Variants in SPTSSB observed in about 807,000 individuals in gnomAD.
SPTSSB encodes serine palmitoyltransferase small subunit B.
In SPTSSB, 6 loss-of-function variants were observed where a neutral mutation model predicts 7.7. The ratio of observed to expected loss-of-function variants is 0.78; its 90% CI spans 0.43 to 1.54. The LOEUF (loss-of-function observed/expected upper bound fraction) is 1.54. Among genes scored for constraint, SPTSSB ranks in the 40% most tolerant of loss-of-function variants. The probability of loss-of-function intolerance (pLI) is 0.01; values close to 1 mark genes in which losing one functional copy is unlikely to be tolerated. For missense variants in SPTSSB, 91 were observed against 93.0 expected (o/e 0.98, Z 0.09); for synonymous variants, 28 against 29.7 (o/e 0.94, Z 0.19).
chr3:161,371,411 G>T (rs948937051), intron 1 of SPTSSB, 24 bp downstream of exon 1: 1 of 985,090 alleles, frequency 1.0e-6, no homozygotes, highest in Non-Finnish European at 1.2e-6. Context: ...AACAGTTCAA[G>T]TAGGTATTTT....
Position 161,345,064 on chromosome 3 carries a change from T to A in SPTSSB, c.*1029A>T, listed in dbSNP as rs1714145942. On this transcript the variant is annotated 3_prime_UTR_variant, in exon 3 of 3. Coordinates refer to ENST00000620149, the MANE Select transcript of SPTSSB (RefSeq NM_001040100.2). ...AGGAAAGCAAAACTGCAAAACGTAG[T>A]CTTTGGCATTCACATTTGCTTCAGC... 1 of 152,604 alleles carries A rather than the reference T, an allele frequency of 6.6e-6. No homozygotes were observed. Among genetic ancestry groups the A allele is most frequent in the African/African-American group, 2.4e-5 (1 of 41,438 alleles). The allele number at this position is 152,604 out of a possible 1,614,324, so 9.5% of individuals were successfully genotyped here. A position where few individuals can be genotyped will look rare whatever the true frequency, so the allele number is the denominator to read the frequency against.
intron 2 of SPTSSB, among the ~76,000 whole-genome samples, chr3:161,355,291 G>A (rs1576897732): frequency 6.6e-6 from 1 of 152,052 alleles, no homozygotes; most frequent in Admixed American, 6.6e-5. Context: ...TGAATATATT[G>A]TTGCCAAGGG....
Position 161,359,113 on chromosome 3 carries a change from T to G in SPTSSB, c.-33+689A>C, listed in dbSNP as rs566645881. ...AGGCAGCTAGTAGTATCTAGGTGTTTTTTTTGTAATTCTATTTCCTTTTCT... is the reference window on the plus strand; with the variant it reads ...AGGCAGCTAGTAGTATCTAGGTGTTGTTTTTGTAATTCTATTTCCTTTTCT... On this transcript the variant is annotated intron_variant, in intron 2 of 2. Transcript: ENST00000620149. Among the ~76,000 whole-genome samples the G allele has an allele frequency of 1.1e-3, 168 of 152,304 alleles. 1 individual carries two copies. The highest frequency in any genetic ancestry group is 1.7e-3 in the Non-Finnish European group (118 of 68,024).
intron 1 of SPTSSB, among the ~76,000 whole-genome samples, chr3:161,366,460 G>A (rs1022364220): frequency 6.6e-6 from 1 of 152,116 alleles, no homozygotes; most frequent in African/African-American, 2.4e-5. Context: ...ATGGCAAGGG[G>A]AAACCAAAGC....
chr3:161,367,149 C>A (rs1715256627), intron 1 of SPTSSB, among the ~76,000 whole-genome samples: 1 of 151,928 alleles, frequency 6.6e-6, no homozygotes, highest in South Asian at 2.1e-4. Flanking sequence ...TGCACTCCAG[C>A]CTGGGCAAAA....
At chr3:161,355,447 A>G (rs971236425) in intron 2 of SPTSSB, among the ~76,000 whole-genome samples, 2 of 152,232 alleles carry the variant, frequency 1.3e-5, no homozygotes, top group Non-Finnish European at 2.9e-5. Context: ...GATGGAAGCA[A>G]TCCAAATGTC....
intron 1 of SPTSSB, among the ~76,000 whole-genome samples, chr3:161,369,364 C>T (rs4856704): frequency 0.26 from 16,025 of 62,608 alleles, 2,233 homozygotes; most frequent in East Asian, 0.45. Context: ...CTTTCTTTCT[C>T]TCTCTGTCTC....
intron 1 of SPTSSB, among the ~76,000 whole-genome samples, chr3:161,364,404 C>G (rs1715136046): frequency 6.6e-6 from 1 of 151,980 alleles, no homozygotes; most frequent in South Asian, 2.1e-4. Flanking sequence ...TATGAGGATC[C>G]CTTTGGTAGG....
chr3:161,351,667 A>C (rs1207379269), intron 2 of SPTSSB, among the ~76,000 whole-genome samples: 1 of 152,206 alleles, frequency 6.6e-6, no homozygotes, highest in Admixed American at 6.5e-5. Context: ...AATACTTTGC[A>C]GAGCATGCTG....
At chr3:161,363,215 C>T (rs1361331613) in intron 1 of SPTSSB, among the ~76,000 whole-genome samples, 1 of 151,620 alleles carries the variant, frequency 6.6e-6, no homozygotes, top group Non-Finnish European at 1.5e-5. Context: ...TAACTCTTAA[C>T]CTCACTAGAG....
At chr3:161,350,802 T>C (rs968195649) in intron 2 of SPTSSB, among the ~76,000 whole-genome samples, 1 of 152,312 alleles carries the variant, frequency 6.6e-6, no homozygotes, top group Non-Finnish European at 1.5e-5. Flanking sequence ...AGAAAACTGA[T>C]AAGCCCTGCT....
chr3:161,370,191 A>C (rs1715447702), intron 1 of SPTSSB, among the ~76,000 whole-genome samples: 1 of 152,234 alleles, frequency 6.6e-6, no homozygotes, highest in Non-Finnish European at 1.5e-5. Context: ...AAGTATTTGC[A>C]AATTTACAGT....
At chr3:161,356,826 C>T (rs1255157548) in intron 2 of SPTSSB, among the ~76,000 whole-genome samples, 1 of 151,952 alleles carries the variant, frequency 6.6e-6, no homozygotes, top group African/African-American at 2.4e-5. Context: ...CACTTATTAG[C>T]GCTTTTACAG....
At chr3:161,369,687 T>C (rs1348589340) in intron 1 of SPTSSB, among the ~76,000 whole-genome samples, 1 of 152,088 alleles carries the variant, frequency 6.6e-6, no homozygotes, top group Non-Finnish European at 1.5e-5. Flanking sequence ...AATAGAGCTC[T>C]GAAACACAAA....
chr3:161,367,310 A>T (rs1414399122), intron 1 of SPTSSB, among the ~76,000 whole-genome samples: 2 of 152,232 alleles, frequency 1.3e-5, no homozygotes, highest in Non-Finnish European at 2.9e-5. Flanking sequence ...ACCCACACAA[A>T]TCAGCATGAT....
intron 1 of SPTSSB, among the ~76,000 whole-genome samples, chr3:161,368,753 A>G (rs555141438): frequency 1.7e-4 from 26 of 152,326 alleles, no homozygotes; most frequent in African/African-American, 6.0e-4. Context: ...CTGCAGCCTC[A>G]GGAAACAACT....
intron 1 of SPTSSB, 70 bp downstream of exon 1, chr3:161,371,365 T>C: frequency 2.1e-6 from 2 of 958,562 alleles, no homozygotes; most frequent in Non-Finnish European, 2.5e-6. Context: ...TTTTTCCTCC[T>C]ATAGAGACAG....
At chr3:161,363,451 A>C (rs1173338290) in intron 1 of SPTSSB, among the ~76,000 whole-genome samples, 2 of 152,002 alleles carry the variant, frequency 1.3e-5, no homozygotes, top group South Asian at 2.1e-4. Context: ...TATTGTTGCT[A>C]TGCTAATAGA....
At chr3:161,357,330 C>T (rs1241463540) in intron 2 of SPTSSB, among the ~76,000 whole-genome samples, 1 of 152,182 alleles carries the variant, frequency 6.6e-6, no homozygotes, top group East Asian at 1.9e-4. Flanking sequence ...ACAATTTAGC[C>T]AAGTGGATTT....
Sources: allele counts gnomAD v4.1 joint callset (sites outside exome capture counted in the v4.1 genomes callset), GRCh38; gene constraint gnomAD v4.1.1; transcripts MANE v1.5; gene names NCBI Gene and HGNC (gene_info 2026-07-23, HGNC 2026-07-21).